The following TOP2B variants were observed in gnomAD, a reference collection of about 807,000 sequenced individuals.
TOP2B encodes the protein DNA topoisomerase 2-beta.
Under a neutral mutation model 193.5 loss-of-function variants are expected in TOP2B, and 51 were observed. That is an observed-to-expected ratio of 0.26 (90% CI 0.21 to 0.33). TOP2B has a LOEUF of 0.33. TOP2B is among the 10% of genes least tolerant of loss of function. The pLI, the probability that TOP2B is intolerant of heterozygous loss-of-function variation, is 1.00. For synonymous variants in TOP2B, 634 were observed against 635.7 expected, an observed-to-expected ratio of 1.00 and a Z score of 0.04; for missense variants, 1,378 against 1,909.3, an observed-to-expected ratio of 0.72 and a Z score of 5.19.
intron 34 of TOP2B, among the ~76,000 whole-genome samples, chr3:25,599,839 T>A (rs1702046045): frequency 6.6e-6 from 1 of 152,234 alleles, no homozygotes; most frequent in African/African-American, 2.4e-5. Flanking sequence ...AAAGGAAATA[T>A]CTTGGAAGAG....
Position 25,598,204 on chromosome 3 carries a change from C to T in TOP2B, c.*103G>A. Reference sequence around the variant, plus strand: ...CACAATAATAAAAAACCGTCAATTACATCATCACATTAAAATAAGCCAGAT... The same window carrying T: ...CACAATAATAAAAAACCGTCAATTATATCATCACATTAAAATAAGCCAGAT... On this transcript the variant is annotated 3_prime_UTR_variant, in exon 36 of 36. Coordinates refer to ENST00000264331, the MANE Select transcript of TOP2B (RefSeq NM_001330700.2). 1.6e-6 allele frequency: 2 copies of T among 1,234,958 alleles called. No homozygotes were observed. The highest frequency in any genetic ancestry group is 1.6e-5 in the South Asian group (1 of 62,436). The allele number at this position is 1,234,958 out of a possible 1,614,324, so 76.5% of individuals were successfully genotyped here.
Position 25,636,077 on chromosome 3 carries a change from G to A in TOP2B, c.711C>T (p.Cys237=). ...IKHFDGEDYT[C]ITFQPDLSKF... ...TGGACAGATCTGGTTGGAATGTTATGCATGTGTAATCTTCACCATCAAAAT... is the reference window on the plus strand; with the variant it reads ...TGGACAGATCTGGTTGGAATGTTATACATGTGTAATCTTCACCATCAAAAT... The change falls in exon 7 of 36, where the codon TGC becomes TGT. Residue 237 remains cysteine, a synonymous_variant. Transcript: ENST00000264331. The A allele has an allele frequency of 6.2e-7, 1 of 1,612,622 alleles. No homozygotes were observed. Among genetic ancestry groups the A allele is most frequent in the Non-Finnish European group, 8.5e-7 (1 of 1,179,138 alleles).
chr3:25,625,427 C>T (rs1330496654), intron 18 of TOP2B, among the ~76,000 whole-genome samples: 15 of 152,128 alleles, frequency 9.9e-5, no homozygotes, highest in Admixed American at 9.8e-4. Context: ...CACTCTGCTC[C>T]CTTACCATTC....
chr3:25,624,617 T>A, intron 19 of TOP2B, 65 bp downstream of exon 19: 1 of 1,585,484 alleles, frequency 6.3e-7, no homozygotes, highest in Non-Finnish European at 8.6e-7. Flanking sequence ...AAAAATACTA[T>A]GTGTAATTAT....
intron 1 of TOP2B, among the ~76,000 whole-genome samples, chr3:25,648,263 T>C (rs1221057318): frequency 6.6e-6 from 1 of 152,146 alleles, no homozygotes; most frequent in African/African-American, 2.4e-5. Context: ...TCCAGTACTG[T>C]AGTTTACTAC....
intron 23 of TOP2B, 113 bp from the exon 24 acceptor site, chr3:25,618,962 G>A: frequency 4.1e-6 from 3 of 731,786 alleles, no homozygotes; most frequent in East Asian, 3.0e-5. Flanking sequence ...ATGCATGTGT[G>A]TGAACACAGA....
intron 10 of TOP2B, 62 bp from the exon 11 acceptor site, chr3:25,631,001 T>C (rs1417543764): frequency 1.3e-5 from 18 of 1,427,314 alleles, no homozygotes; most frequent in Non-Finnish European, 1.6e-5. Context: ...AGCTAAAATG[T>C]ATAGGGCCTA....
chr3:25,609,436 A>T, intron 29 of TOP2B, 92 bp from the exon 30 acceptor site: 5 of 1,461,132 alleles, frequency 3.4e-6, no homozygotes, highest in Non-Finnish European at 3.6e-6. Context: ...AGTTCATTAC[A>T]AAATAAACGT....
chr3:25,645,879 C>T (rs201035702), intron 1 of TOP2B, among the ~76,000 whole-genome samples: 2 of 152,078 alleles, frequency 1.3e-5, no homozygotes, highest in East Asian at 3.8e-4. Context: ...CCTGCCTCAG[C>T]CTCCTGAGTA....
intron 1 of TOP2B, among the ~76,000 whole-genome samples, chr3:25,647,522 C>A (rs1477204903): frequency 6.6e-6 from 1 of 151,892 alleles, no homozygotes; most frequent in East Asian, 1.9e-4. Context: ...CCAACCCCAT[C>A]ACAAAGAAAA....
chr3:25,610,427 A>G (rs1467807650), intron 28 of TOP2B, among the ~76,000 whole-genome samples: 1 of 152,194 alleles, frequency 6.6e-6, no homozygotes, highest in African/African-American at 2.4e-5. Flanking sequence ...AAAAGTCTCC[A>G]TGGAGAAGTA....
rs1390831599 is a variant in TOP2B at position 25,601,085 on chromosome 3, GA to G, written c.4615+14del. On this transcript the variant is annotated intron_variant, in intron 34 of 35. Coordinates refer to ENST00000264331, the MANE Select transcript of TOP2B (RefSeq NM_001330700.2). ...ACAGCATATGTTTAAAGGGTTATAA[GA>G]AGATAATCCTCACCTTTTGGTGTTG... 1 of 1,611,790 alleles carries G rather than the reference GA, an allele frequency of 6.2e-7. No individual in the cohort carries two copies. Among genetic ancestry groups the G allele is most frequent in the South Asian group, 1.1e-5 (1 of 90,860 alleles).
intron 21 of TOP2B, 99 bp from the exon 22 acceptor site, chr3:25,620,915 T>C: frequency 7.8e-7 from 1 of 1,288,036 alleles, no homozygotes; most frequent in Non-Finnish European, 1.1e-6. Context: ...TGAAACAGAA[T>C]TTCTCATCCT....
intron 1 of TOP2B, among the ~76,000 whole-genome samples, chr3:25,651,445 T>TAAAA (rs34010313): frequency 8.4e-6 from 1 of 118,538 alleles, no homozygotes. Flanking sequence ...AACATGTCAC[T>TAAAA]AAAAAAAAAA....
rs1291203779 is a variant in TOP2B at position 25,624,676 on chromosome 3, G to C, written c.2346+6C>G. 1 of 1,612,916 alleles carries C rather than the reference G, an allele frequency of 6.2e-7. No individual in the cohort carries two copies. The highest frequency in any genetic ancestry group is 8.5e-7 in the Non-Finnish European group (1 of 1,179,594). ...GTTCTCAATTGATTCCAATCTTAAT[G>C]CTTACTTCTCCATGATGATAAGCCG... is the stretch of plus-strand genomic sequence containing the variant. On this transcript the variant is annotated splice_donor_region_variant and intron_variant, in intron 19 of 35. Coordinates refer to ENST00000264331, the MANE Select transcript of TOP2B (RefSeq NM_001330700.2).
chr3:25,661,768 A>G (rs1257088645), intron 1 of TOP2B, among the ~76,000 whole-genome samples: 1 of 152,232 alleles, frequency 6.6e-6, no homozygotes, highest in African/African-American at 2.4e-5. Flanking sequence ...AGTTTCAGAT[A>G]TTGAAAGGCA....
At chr3:25,611,223 G>T (rs1395541450) in intron 28 of TOP2B, among the ~76,000 whole-genome samples, 4 of 152,162 alleles carry the variant, frequency 2.6e-5, no homozygotes, top group South Asian at 4.1e-4. Context: ...GTAGAGAAAA[G>T]AATGCTGAGA....
Position 25,609,304 on chromosome 3 carries a change from A to T in TOP2B, c.3972T>A (p.Pro1324=), listed in dbSNP as rs752226922. 8.1e-6 allele frequency: 13 copies of T among 1,598,726 alleles called. No individual in the cohort carries two copies. The highest frequency in any genetic ancestry group is 1.0e-5 in the Non-Finnish European group (12 of 1,171,090). Residue 1324 remains proline, a synonymous_variant, in exon 30 of 36, where the codon CCT becomes CCA. Transcript: ENST00000264331. ...VRKTPTSSGK[P]SAKKVKKRNP... is the part of the protein sequence containing the mutation. ...TCCGTTTCTTCACTTTCTTTGCACT[A>T]GGTTTACCAGATGATGTAGGTGTTT...
intron 1 of TOP2B, among the ~76,000 whole-genome samples, chr3:25,658,782 A>G (rs187287132): frequency 2.0e-5 from 3 of 152,352 alleles, no homozygotes; most frequent in Admixed American, 1.3e-4. Flanking sequence ...TCAGAAGAAA[A>G]TGGAAAACAT....
Sources: gnomAD v4.1 joint callset for allele counts (sites outside exome capture counted in the v4.1 genomes callset) on GRCh38, gnomAD v4.1.1 for gene constraint, MANE v1.5 for transcripts, NCBI Gene and HGNC (gene_info 2026-07-23, HGNC 2026-07-21) for gene names.